The following ZNF599 variants were observed in gnomAD, a reference collection of about 807,000 sequenced individuals.
The protein encoded by ZNF599 is zinc finger protein 599.
ZNF599 carries 10 observed loss-of-function variants against 11.7 expected under a neutral mutation model. That is an observed-to-expected ratio of 0.86 (90% CI 0.53 to 1.45). ZNF599 has a LOEUF of 1.45. Ranked by LOEUF, ZNF599 falls within the 40% of genes most tolerant of loss-of-function variation. The probability of loss-of-function intolerance (pLI) is 0.00; values close to 1 mark genes in which losing one functional copy is unlikely to be tolerated. For missense variants in ZNF599, 688 were observed against 713.6 expected, an observed-to-expected ratio of 0.96 and a Z score of 0.41; for synonymous variants, 232 against 253.2, an observed-to-expected ratio of 0.92 and a Z score of 0.79.
In ZNF599 at chr19:34,759,473, C is replaced by G; in HGVS notation, c.1328G>C (p.Arg443Thr). Residue 443 changes from arginine (R) to threonine (T), a missense_variant, in exon 4 of 4, where the codon AGG (arginine) becomes ACG (threonine). By Grantham distance (71) the Arg-to-Thr change is moderately conservative (BLOSUM62 -1). Transcript: ENST00000329285. ...ATAAGGCTTCTCACCAGTGTGAATC[C>G]TCATATGTTGAATTAAGGAAGAGCT... ...CDSSSLIQHM[R>T]IHTGEKPYEC... is the part of the protein sequence containing the mutation. 1 of 1,614,122 alleles carries G rather than the reference C, an allele frequency of 6.2e-7. No homozygotes were observed. The highest frequency in any genetic ancestry group is 1.1e-5 in the South Asian group (1 of 91,084).
chr19:34,767,183 G>A (rs2069149557), intron 3 of ZNF599, 133 bp downstream of exon 3: 1 of 637,044 alleles, frequency 1.6e-6, no homozygotes, highest in East Asian at 2.7e-5. Context: ...TGGGAAGACG[G>A]GGGACCATGG....
intron 3 of ZNF599, among the ~76,000 whole-genome samples, chr19:34,762,116 A>C (rs1317047727): frequency 2.0e-5 from 3 of 152,160 alleles, no homozygotes; most frequent in Non-Finnish European, 4.4e-5. Context: ...TGAACCAAAA[A>C]CTGAGTTGAA....
chr19:34,766,062 G>A (rs1260634993), intron 3 of ZNF599, among the ~76,000 whole-genome samples: 1 of 152,188 alleles, frequency 6.6e-6, no homozygotes, highest in East Asian at 1.9e-4. Context: ...AGAGGCATTA[G>A]CTGAAAATGG....
chr19:34,760,510 G>A lies in ZNF599; in HGVS notation c.291C>T (p.Ala97=). The A allele has an allele frequency of 6.2e-7, 1 of 1,614,006 alleles. No homozygotes were observed. Among genetic ancestry groups the A allele is most frequent in the African/African-American group, 1.3e-5 (1 of 75,012 alleles). ...KITEPTASQL[A]FSEESSFQEL... ...CCTGGAAAGAGGATTCCTCAGAGAAGGCCAGCTGAGAAGCAGTAGGCTCTG... is the reference window on the plus strand; with the variant it reads ...CCTGGAAAGAGGATTCCTCAGAGAAAGCCAGCTGAGAAGCAGTAGGCTCTG... The change falls in exon 4 of 4, where the codon GCC becomes GCT. Residue 97 remains alanine, a synonymous_variant. Transcript: ENST00000329285.
the ZNF599 span, among the ~76,000 whole-genome samples, chr19:34,804,708 T>C: frequency 6.6e-6 from 1 of 152,206 alleles, no homozygotes; most frequent in African/African-American, 2.4e-5. Flanking sequence ...TGAAAATTAC[T>C]TTTACTACTA....
At chr19:34,792,950 C>T in the ZNF599 span, among the ~76,000 whole-genome samples, 1 of 152,228 alleles carries the variant, frequency 6.6e-6, no homozygotes, top group African/African-American at 2.4e-5. Context: ...GCCATGCATG[C>T]CATGTGAATC....
At chr19:34,783,556 A>G in the ZNF599 span, among the ~76,000 whole-genome samples, 2 of 152,090 alleles carry the variant, frequency 1.3e-5, no homozygotes, top group Non-Finnish European at 1.5e-5. Context: ...TACATGAATG[A>G]CTTACCCACA....
chr19:34,765,407 T>TG (rs2069136406), intron 3 of ZNF599: 1 of 603,032 alleles, frequency 1.7e-6, no homozygotes, highest in South Asian at 2.0e-5. Context: ...TGATGAGCTA[T>TG]GAGCTGCCTA....
chr19:34,781,851 T>C, the ZNF599 span, among the ~76,000 whole-genome samples: 1 of 152,140 alleles, frequency 6.6e-6, no homozygotes, highest in South Asian at 2.1e-4. Flanking sequence ...CCATGAATTG[T>C]AGGCTAATGT....
chr19:34,784,943 C>T, the ZNF599 span, among the ~76,000 whole-genome samples: 5 of 146,760 alleles, frequency 3.4e-5, no homozygotes, highest in Non-Finnish European at 7.5e-5. Context: ...CATAGCCATC[C>T]ACATACTAGA....
chr19:34,761,528 C>T (rs2069113760), intron 3 of ZNF599, among the ~76,000 whole-genome samples: 1 of 152,058 alleles, frequency 6.6e-6, no homozygotes, highest in South Asian at 2.1e-4. Flanking sequence ...CCTATGAGGA[C>T]TTAGTATTAT....
chr19:34,799,461 A>C, the ZNF599 span, among the ~76,000 whole-genome samples: 1 of 152,156 alleles, frequency 6.6e-6, no homozygotes, highest in East Asian at 1.9e-4. Flanking sequence ...CTTTTTATCC[A>C]TTCACATACA....
At chr19:34,790,565 T>C in the ZNF599 span, among the ~76,000 whole-genome samples, 57,697 of 151,808 alleles carry the variant, frequency 0.38, 11,434 homozygotes, top group Non-Finnish European at 0.43. Context: ...TCAAGAGAAA[T>C]TGAACTCATA....
chr19:34,796,726 C>G, the ZNF599 span, among the ~76,000 whole-genome samples: 1 of 152,094 alleles, frequency 6.6e-6, no homozygotes, highest in African/African-American at 2.4e-5. Flanking sequence ...TTGAACCTGG[C>G]CCAAGTTGAT....
upstream of ZNF599, among the ~76,000 whole-genome samples, chr19:34,777,152 G>A (rs1600162322): frequency 6.7e-6 from 1 of 148,862 alleles, no homozygotes; most frequent in East Asian, 2.0e-4. Context: ...AGGGTGAGGT[G>A]AAGAATTCTT....
At position 34,760,355 on chromosome 19, in the gene ZNF599, T is replaced by G; in HGVS notation, c.446A>C (p.Lys149Thr). ...TNPHKEICPEKLSYKHDDLEP... is the reference protein window; with the variant it reads ...TNPHKEICPETLSYKHDDLEP... ...CAAATCATCATGTTTATAACTCAAC[T>G]TCTCAGGGCATATCTCTTTGTGGGG... The change falls in exon 4 of 4, where the codon AAG becomes ACG. Residue 149 changes from lysine (K) to threonine (T), a missense_variant. Coordinates refer to ENST00000329285, the MANE Select transcript of ZNF599 (RefSeq NM_001007248.3). The G allele has an allele frequency of 6.2e-7, 1 of 1,614,166 alleles. No homozygotes were observed. The highest frequency in any genetic ancestry group is 8.5e-7 in the Non-Finnish European group (1 of 1,180,016).
At chr19:34,797,077 C>A in the ZNF599 span, among the ~76,000 whole-genome samples, 1 of 151,056 alleles carries the variant, frequency 6.6e-6, no homozygotes, top group African/African-American at 2.4e-5. Context: ...GGTTTTTTGT[C>A]CTTGCGATAG....
rs1448401098 is a variant in ZNF599, at chr19:34,759,350, C to T, written c.1451G>A (p.Cys484Tyr). 1 of 1,614,078 alleles carries T rather than the reference C, an allele frequency of 6.2e-7. No homozygotes were observed. Among genetic ancestry groups the T allele is most frequent in the Non-Finnish European group, 8.5e-7 (1 of 1,180,012 alleles). The change falls in exon 4 of 4, where the codon TGT becomes TAT. Residue 484 changes from cysteine (C) to tyrosine (Y), a missense_variant. Transcript: ENST00000329285. ...SGQKPLECKE[C>Y]AKAFYYSSSF... ...AGAGCTATAGTAAAAGGCTTTTGCA[C>T]ATTCTTTGCACTCCAAGGGTTTTTG...
chr19:34,784,977 C>A, the ZNF599 span, among the ~76,000 whole-genome samples: 7 of 148,486 alleles, frequency 4.7e-5, no homozygotes, highest in African/African-American at 1.8e-4. Flanking sequence ...ATTCTCATAA[C>A]CCGAATCCCT....
Sources: allele counts gnomAD v4.1 joint callset (sites outside exome capture counted in the v4.1 genomes callset), GRCh38; gene constraint gnomAD v4.1.1; transcripts MANE v1.5; gene names NCBI Gene and HGNC (gene_info 2026-07-23, HGNC 2026-07-21).